ACTR3C: variants seen among roughly 807,000 people sequenced by gnomAD.
ACTR3C encodes actin-related protein 3C.
In ACTR3C, 18 loss-of-function variants were observed where a neutral mutation model predicts 26.3. The ratio of observed to expected loss-of-function variants is 0.68; its 90% confidence interval spans 0.47 to 1.01. The LOEUF (loss-of-function observed/expected upper bound fraction) is 1.01. Among genes scored for constraint, ACTR3C ranks in the 50% least tolerant of loss-of-function variants. ACTR3C has a pLI of 0.00. For synonymous variants in ACTR3C, 55 were observed against 94.5 expected, an observed-to-expected ratio of 0.58 and a Z score of 2.42; for missense variants, 184 against 250.7, an observed-to-expected ratio of 0.73 and a Z score of 1.80.
chr7:149,995,461 T>C, the ACTR3C span, among the ~76,000 whole-genome samples: 2 of 152,384 alleles, frequency 1.3e-5, no homozygotes, highest in East Asian at 3.9e-4. Flanking sequence ...AGATATTTAC[T>C]GAGCTCCAGG....
chr7:150,178,445 G>A, the ACTR3C span, among the ~76,000 whole-genome samples: 6 of 150,250 alleles, frequency 4.0e-5, no homozygotes, highest in South Asian at 2.1e-4. Context: ...ACCATGCCCG[G>A]CTAATGTTTT....
the ACTR3C span, among the ~76,000 whole-genome samples, chr7:149,968,900 T>C: frequency 2.0e-5 from 3 of 152,120 alleles, no homozygotes; most frequent in Non-Finnish European, 4.4e-5. Context: ...TGCTCCTGTG[T>C]TGCCAGGCAT....
chr7:149,992,163 C>T, the ACTR3C span, among the ~76,000 whole-genome samples: 2 of 152,262 alleles, frequency 1.3e-5, no homozygotes, highest in African/African-American at 4.8e-5. Context: ...GCAATGTGTA[C>T]AGGCAGATGC....
At chr7:149,918,797 A>G in the ACTR3C span, among the ~76,000 whole-genome samples, 1 of 152,236 alleles carries the variant, frequency 6.6e-6, no homozygotes, top group African/African-American at 2.4e-5. Context: ...CTGAGGACCC[A>G]TCGTGCCTGA....
chr7:150,104,825 C>A, the ACTR3C span, among the ~76,000 whole-genome samples: 2 of 152,068 alleles, frequency 1.3e-5, no homozygotes, highest in Admixed American at 6.6e-5. Flanking sequence ...CTGTCAATGA[C>A]TCCTTGGAGG....
chr7:150,206,960 C>T, the ACTR3C span, among the ~76,000 whole-genome samples: 1 of 152,168 alleles, frequency 6.6e-6, no homozygotes, highest in African/African-American at 2.4e-5. Flanking sequence ...GGAAGTAAAG[C>T]TTCAGAGTTC....
chr7:150,249,566 G>A (rs1267766741), intron 6 of ACTR3C, among the ~76,000 whole-genome samples: 3 of 152,120 alleles, frequency 2.0e-5, no homozygotes, highest in African/African-American at 7.2e-5. Context: ...CCATTCTCCT[G>A]TCTCAGCCTC....
At chr7:150,082,947 C>CTTTTTTTTTTTTTTTTT in the ACTR3C span, among the ~76,000 whole-genome samples, 1 of 108,548 alleles carries the variant, frequency 9.2e-6, no homozygotes, top group African/African-American at 3.6e-5. Flanking sequence ...TTTTTTTTTT[C>CTTTTTTTTTTTTTTTTT]TTTTTTTTTT....
chr7:150,235,932 C>T, the ACTR3C span, among the ~76,000 whole-genome samples: 22 of 151,488 alleles, frequency 1.5e-4, no homozygotes, highest in Admixed American at 1.2e-3. Flanking sequence ...TTTCAGTAGT[C>T]CATTCTTTAC....
chr7:149,968,419 G>T, the ACTR3C span, among the ~76,000 whole-genome samples: 1 of 152,162 alleles, frequency 6.6e-6, no homozygotes, highest in Non-Finnish European at 1.5e-5. Context: ...TGTAGTCCCA[G>T]CTACTCGGGA....
chr7:150,197,907 C>T, the ACTR3C span, among the ~76,000 whole-genome samples: 4 of 149,934 alleles, frequency 2.7e-5, no homozygotes, highest in African/African-American at 7.4e-5. Flanking sequence ...CATGCGGAGC[C>T]GAAGCTGGAC....
the ACTR3C span, among the ~76,000 whole-genome samples, chr7:150,024,498 C>T: frequency 4.1e-5 from 6 of 147,092 alleles, no homozygotes; most frequent in South Asian, 2.3e-4. Flanking sequence ...CTGTGGCTTC[C>T]GACAGTTGCT....
the ACTR3C span, among the ~76,000 whole-genome samples, chr7:149,899,474 C>G: frequency 7.0e-6 from 1 of 141,928 alleles, no homozygotes; most frequent in African/African-American, 2.5e-5. Flanking sequence ...ATCACAATAA[C>G]TGAAATAAAA....
chr7:149,903,905 TTGTTGTTGTTG>T, the ACTR3C span, among the ~76,000 whole-genome samples: 280 of 71,248 alleles, frequency 3.9e-3, 33 homozygotes, highest in South Asian at 0.11. Flanking sequence ...TTGTTGCTGG[TTGTTGTTGTTG>T]TTGTTGTTGT....
the ACTR3C span, among the ~76,000 whole-genome samples, chr7:149,983,449 G>A: frequency 1.7e-4 from 4 of 23,324 alleles, no homozygotes; most frequent in Non-Finnish European, 2.4e-4. Context: ...GTGTGTGTGT[G>A]TATATATATA....
chr7:149,892,205 G>A, the ACTR3C span: 5 of 1,322,696 alleles, frequency 3.8e-6, no homozygotes, highest in Non-Finnish European at 5.1e-6. Flanking sequence ...ACAACTTCTA[G>A]ATGACCATTT....
chr7:150,069,410 G>A, the ACTR3C span, among the ~76,000 whole-genome samples: 1 of 152,260 alleles, frequency 6.6e-6, no homozygotes, highest in South Asian at 2.1e-4. Context: ...GAAACCAGAG[G>A]AACACAGAAG....
chr7:150,156,541 A>AGAGAGAGAGAGAGAG, the ACTR3C span, among the ~76,000 whole-genome samples: 1 of 150,096 alleles, frequency 6.7e-6, no homozygotes, highest in Non-Finnish European at 1.5e-5. Context: ...GTGCTTATTG[A>AGAGAGAGAGAGAGAG]GAGAGAGAGA....
chr7:149,948,210 C>G, the ACTR3C span, among the ~76,000 whole-genome samples: 2 of 117,076 alleles, frequency 1.7e-5, no homozygotes, highest in Admixed American at 1.7e-4. Flanking sequence ...TTTGAAATTT[C>G]AAATAAATTA....
Sources: gnomAD v4.1 joint callset for allele counts (sites outside exome capture counted in the v4.1 genomes callset) on GRCh38, gnomAD v4.1.1 for gene constraint, MANE v1.5 for transcripts, NCBI Gene and HGNC (gene_info 2026-07-23, HGNC 2026-07-21) for gene names.